The following RTL4 variants were observed in gnomAD, a reference collection of about 807,000 sequenced individuals.
RTL4 encodes the protein retrotransposon Gag like 4, also known as retrotransposon Gag-like protein 4.
RTL4 carries 4 observed loss-of-function variants against 5.3 expected under a neutral mutation model. The ratio of observed to expected loss-of-function variants is 0.75; its 90% CI spans 0.37 to 1.72. RTL4 has a LOEUF of 1.72. RTL4 is among the 40% of genes most tolerant of loss of function. The probability of loss-of-function intolerance (pLI) is 0.04; values close to 1 mark genes in which losing one functional copy is unlikely to be tolerated. For missense variants in RTL4, 260 were observed against 227.1 expected, an observed-to-expected ratio of 1.14 and a Z score of -0.93; for synonymous variants, 98 against 87.3, an observed-to-expected ratio of 1.12 and a Z score of -0.68.
chrX:112,344,969 C>T, the RTL4 span, among the ~76,000 whole-genome samples: 59 of 111,330 alleles, frequency 5.3e-4, 1 homozygote, highest in Middle Eastern at 4.7e-3. Flanking sequence ...CATCAGAACT[C>T]GTGAGACTTA....
the RTL4 span, among the ~76,000 whole-genome samples, chrX:112,225,841 A>C: frequency 5.3e-5 from 6 of 112,151 alleles, no homozygotes; most frequent in Admixed American, 1.9e-4. Context: ...TTTGGAAAAA[A>C]TGGAGATTCC....
At chrX:112,227,850 G>A in the RTL4 span, among the ~76,000 whole-genome samples, 15 of 110,924 alleles carry the variant, frequency 1.4e-4, no homozygotes, top group Non-Finnish European at 2.8e-4. Flanking sequence ...GGAGAATATT[G>A]ATGTAGTGTT....
the RTL4 span, among the ~76,000 whole-genome samples, chrX:112,402,863 G>C: frequency 1.8e-5 from 2 of 111,354 alleles, no homozygotes. Flanking sequence ...TTTAAGGAAG[G>C]ACAGAGAAAA....
At chrX:112,148,118 A>G in the RTL4 span, among the ~76,000 whole-genome samples, 2 of 110,930 alleles carry the variant, frequency 1.8e-5, no homozygotes, top group Non-Finnish European at 3.8e-5. Context: ...AGGTGCTTGT[A>G]AGAATGGGAA....
chrX:112,330,958 A>G, the RTL4 span, among the ~76,000 whole-genome samples: 3 of 110,563 alleles, frequency 2.7e-5, no homozygotes, highest in African/African-American at 9.9e-5. Flanking sequence ...AGCCATATGT[A>G]GAAAGCTGAA....
the RTL4 span, among the ~76,000 whole-genome samples, chrX:112,199,337 T>G: frequency 8.6e-5 from 9 of 104,803 alleles, no homozygotes; most frequent in African/African-American, 3.1e-4. Flanking sequence ...GCTTTACCTG[T>G]GTAAGGGAAA....
chrX:112,340,949 C>T, the RTL4 span, among the ~76,000 whole-genome samples: 10 of 111,120 alleles, frequency 9.0e-5, no homozygotes, highest in Non-Finnish European at 1.9e-5. Flanking sequence ...AACTCCGGAC[C>T]TCAAGTGATC....
chrX:112,225,440 G>A, the RTL4 span, among the ~76,000 whole-genome samples: 8 of 111,846 alleles, frequency 7.2e-5, no homozygotes, highest in Non-Finnish European at 1.1e-4. Flanking sequence ...TGCTCCAGCT[G>A]CTTAATCAAT....
the RTL4 span, among the ~76,000 whole-genome samples, chrX:112,432,949 T>A: frequency 9.0e-6 from 1 of 111,481 alleles, no homozygotes; most frequent in Non-Finnish European, 1.9e-5. Flanking sequence ...TTTCTACATA[T>A]GGCTAGCCAG....
chrX:112,347,642 G>T, the RTL4 span, among the ~76,000 whole-genome samples: 1 of 111,493 alleles, frequency 9.0e-6, no homozygotes, highest in Non-Finnish European at 1.9e-5. Context: ...ACCAGATACT[G>T]CCACTAGGAA....
the RTL4 span, among the ~76,000 whole-genome samples, chrX:112,089,535 T>TA: frequency 9.0e-6 from 1 of 111,453 alleles, no homozygotes; most frequent in Non-Finnish European, 1.9e-5. Context: ...TGGCACCTTG[T>TA]AAAAAATCAA....
the RTL4 span, among the ~76,000 whole-genome samples, chrX:112,326,315 G>A: frequency 6.3e-5 from 7 of 111,752 alleles, no homozygotes; most frequent in African/African-American, 2.3e-4. Context: ...ATGAGCTGAA[G>A]CAGGGCAAGG....
the RTL4 span, among the ~76,000 whole-genome samples, chrX:112,265,488 C>T: frequency 1.8e-5 from 2 of 112,132 alleles, no homozygotes; most frequent in South Asian, 7.5e-4. Context: ...GCATGTGGAA[C>T]ATTCTGTCCT....
the RTL4 span, among the ~76,000 whole-genome samples, chrX:112,176,888 AC>A: frequency 5.4e-5 from 6 of 110,557 alleles, no homozygotes; most frequent in African/African-American, 2.0e-4. Flanking sequence ...CATGAGATCC[AC>A]TTTTTTAGCT....
the RTL4 span, among the ~76,000 whole-genome samples, chrX:112,233,785 A>G: frequency 1.8e-5 from 2 of 111,563 alleles, no homozygotes; most frequent in East Asian, 5.6e-4. Context: ...TTAAGCACAT[A>G]CATAAAACAA....
At chrX:112,097,330 C>G in the RTL4 span, among the ~76,000 whole-genome samples, 4 of 110,975 alleles carry the variant, frequency 3.6e-5, no homozygotes, top group East Asian at 1.1e-3. Context: ...CAAGATGACA[C>G]AAGACTATAT....
At chrX:112,096,777 C>T in the RTL4 span, among the ~76,000 whole-genome samples, 2 of 111,711 alleles carry the variant, frequency 1.8e-5, no homozygotes, top group Non-Finnish European at 3.8e-5. Context: ...GAAGCCACAC[C>T]CAAGTAGATA....
At chrX:112,351,613 A>G in the RTL4 span, among the ~76,000 whole-genome samples, 1 of 107,920 alleles carries the variant, frequency 9.3e-6, no homozygotes, top group African/African-American at 3.5e-5. Flanking sequence ...TCCCTTTACC[A>G]TTATGTAATG....
chrX:112,332,085 C>G, the RTL4 span, among the ~76,000 whole-genome samples: 18 of 108,833 alleles, frequency 1.7e-4, no homozygotes, highest in African/African-American at 6.1e-4. Flanking sequence ...GTGCAGCACA[C>G]CAGCATGGTA....
Sources: allele counts gnomAD v4.1 joint callset (sites outside exome capture counted in the v4.1 genomes callset), GRCh38; gene constraint gnomAD v4.1.1; transcripts MANE v1.5; gene names NCBI Gene and HGNC (gene_info 2026-07-23, HGNC 2026-07-21).